The following KRT80 variants were observed in gnomAD, a reference collection of about 807,000 sequenced individuals.
KRT80 encodes the protein keratin 80.
A neutral mutation model predicts 51.5 loss-of-function variants in KRT80; 36 were observed. The ratio of observed to expected loss-of-function variants is 0.70; its 90% CI spans 0.54 to 0.92. The LOEUF is 0.92. Ranked by LOEUF, KRT80 falls within the 40% of genes least tolerant of loss-of-function variation. The pLI is 0.00. For synonymous variants in KRT80, 235 were observed against 248.3 expected, an observed-to-expected ratio of 0.95 and a Z score of 0.50; for missense variants, 566 against 591.7, an observed-to-expected ratio of 0.96 and a Z score of 0.45.
At chr12:52,175,859 G>A (rs1941209488) in intron 4 of KRT80, among the ~76,000 whole-genome samples, 1 of 152,190 alleles carries the variant, frequency 6.6e-6, no homozygotes, top group Admixed American at 6.5e-5. Context: ...GTCACTAGCC[G>A]ACATTTCCCA....
chr12:52,179,570 T>C (rs1461334810), intron 4 of KRT80, among the ~76,000 whole-genome samples: 1 of 152,200 alleles, frequency 6.6e-6, no homozygotes, highest in Non-Finnish European at 1.5e-5. Context: ...CTGTGACCCA[T>C]GACAGGGCCA....
intron 4 of KRT80, among the ~76,000 whole-genome samples, chr12:52,176,048 G>A (rs111493585): frequency 0.022 from 3,276 of 152,286 alleles, 51 homozygotes; most frequent in Middle Eastern, 0.058. Flanking sequence ...AAAGGCCGGC[G>A]CACTGTGAGG....
At chr12:52,172,090 C>T in intron 7 of KRT80, 108 bp downstream of exon 7, 1 of 1,238,202 alleles carries the variant, frequency 8.1e-7, no homozygotes, top group Non-Finnish European at 1.1e-6. Flanking sequence ...TAAACCCAGG[C>T]CTGGTAGGCT....
At chr12:52,180,466 A>G in intron 4 of KRT80, 47 bp downstream of exon 4, 1 of 1,321,790 alleles carries the variant, frequency 7.6e-7, no homozygotes, top group East Asian at 2.6e-5. Context: ...TTACCCATGG[A>G]CCAGCCAGCT....
In KRT80 at chr12:52,191,589, C is replaced by G; in HGVS notation, c.300+14G>C. ...GGCAGCCCTTCATGTTTGGGACCCC[C>G]TACTTGTGCTCACCTTGCCAATTAG... On this transcript the variant is annotated intron_variant, in intron 1 of 8. Coordinates refer to ENST00000394815, the MANE Select transcript of KRT80 (RefSeq NM_182507.3). 1.3e-6 allele frequency: 2 copies of G among 1,563,744 alleles called. No individual in the cohort carries two copies. The highest frequency in any genetic ancestry group is 2.7e-5 in the African/African-American group (2 of 73,802).
intron 4 of KRT80, among the ~76,000 whole-genome samples, chr12:52,173,971 C>T (rs1005910489): frequency 2.6e-5 from 4 of 152,246 alleles, no homozygotes; most frequent in African/African-American, 9.6e-5. Flanking sequence ...CCACTGCTCA[C>T]CCACCCACAG....
intron 4 of KRT80, among the ~76,000 whole-genome samples, chr12:52,178,097 C>T (rs185458014): frequency 1.3e-5 from 2 of 152,296 alleles, no homozygotes; most frequent in Non-Finnish European, 2.9e-5. Flanking sequence ...TCTTAGCCTG[C>T]AGCAGTGTAT....
At chr12:52,187,609 C>T (rs1941425727) in intron 1 of KRT80, among the ~76,000 whole-genome samples, 2 of 152,326 alleles carry the variant, frequency 1.3e-5, no homozygotes, top group South Asian at 4.1e-4. Flanking sequence ...TGGCGTTTGA[C>T]GGTATTTGCG....
intron 1 of KRT80, among the ~76,000 whole-genome samples, chr12:52,185,999 G>A (rs1026381325): frequency 6.6e-6 from 1 of 151,932 alleles, no homozygotes; most frequent in Non-Finnish European, 1.5e-5. Flanking sequence ...ATCTTGTCCT[G>A]GAAACTCAGC....
intron 2 of KRT80, among the ~76,000 whole-genome samples, chr12:52,181,567 G>T (rs1941321267): frequency 6.6e-6 from 1 of 152,138 alleles, no homozygotes; most frequent in Non-Finnish European, 1.5e-5. Context: ...GCCTCTAAGG[G>T]GTAGGCATGT....
At position 52,185,587 on chromosome 12, in the gene KRT80, C is replaced by A; in HGVS notation, c.301G>T (p.Val101Leu). Residue 101 changes from valine to leucine, a missense_variant and splice_region_variant, in exon 2 of 9, where the codon GTG becomes TTG. Val to Leu is a conservative substitution (Grantham distance 32, BLOSUM62 1). Coordinates refer to ENST00000394815, the MANE Select transcript of KRT80 (RefSeq NM_182507.3). ...TGGTTGCGCTGTTCCAGGGCTTGCACCTGGGAGAGCAGGAAGGCGGCGAAT... is the reference window on the plus strand; with the variant it reads ...TGGTTGCGCTGTTCCAGGGCTTGCAACTGGGAGAGCAGGAAGGCGGCGAAT... ...NDKFASLIGK[V>L]QALEQRNQLL... is the part of the protein sequence containing the mutation. 6 of 1,606,732 alleles carry A rather than the reference C, an allele frequency of 3.7e-6. No individual in the cohort carries two copies. The highest frequency in any genetic ancestry group is 5.1e-6 in the Non-Finnish European group (6 of 1,179,878).
At chr12:52,174,402 G>A (rs999381917) in intron 4 of KRT80, among the ~76,000 whole-genome samples, 1 of 152,262 alleles carries the variant, frequency 6.6e-6, no homozygotes, top group African/African-American at 2.4e-5. Flanking sequence ...AGGAGCCTGG[G>A]CGCAGCCTCC....
chr12:52,175,261 T>C (rs1941199101), intron 4 of KRT80, among the ~76,000 whole-genome samples: 1 of 152,226 alleles, frequency 6.6e-6, no homozygotes. Flanking sequence ...ACTGGCTGTC[T>C]GCCTTGCAGA....
intron 2 of KRT80, among the ~76,000 whole-genome samples, chr12:52,181,699 C>T (rs1458071900): frequency 2.6e-5 from 4 of 152,230 alleles, no homozygotes; most frequent in African/African-American, 9.6e-5. Flanking sequence ...TTCTTACTCG[C>T]TCCCACCTTG....
At position 52,169,506 on chromosome 12, in the gene KRT80, A is replaced by G. The variant is rs1382252895; in HGVS notation, c.*1892T>C. 1 of 152,616 alleles carries G rather than the reference A, an allele frequency of 6.6e-6. No homozygotes were observed. The highest frequency in any genetic ancestry group is 1.5e-5 in the Non-Finnish European group (1 of 68,024). 9.5% of individuals were successfully genotyped at this position (152,616 alleles called of 1,614,324 possible). A position where few individuals can be genotyped will look rare whatever the true frequency, so the allele number is the denominator to read the frequency against. ...GCTGACTGGTCCTGAGAGGGGAGAT[A>G]AAAACAGACACACAGCTTTCTCCAT... is the stretch of plus-strand genomic sequence containing the variant. On this transcript the variant is annotated 3_prime_UTR_variant, in exon 9 of 9. Transcript: ENST00000394815.
intron 1 of KRT80, among the ~76,000 whole-genome samples, chr12:52,188,630 C>T (rs1941439995): frequency 6.6e-6 from 1 of 152,230 alleles, no homozygotes; most frequent in African/African-American, 2.4e-5. Context: ...AGGCTGACTT[C>T]AGCTCTTCCA....
intron 2 of KRT80, among the ~76,000 whole-genome samples, chr12:52,182,473 G>T (rs962515736): frequency 1.3e-5 from 2 of 152,218 alleles, no homozygotes; most frequent in African/African-American, 4.8e-5. Flanking sequence ...GTGTCCTGGG[G>T]TGAGTTCCTG....
intron 2 of KRT80, among the ~76,000 whole-genome samples, chr12:52,182,590 C>T (rs1370142613): frequency 2.0e-5 from 3 of 152,228 alleles, no homozygotes; most frequent in East Asian, 3.8e-4. Context: ...CCCTCTGCTT[C>T]GGCCTCAGGA....
chr12:52,171,728 CG>C lies in KRT80; in HGVS notation c.1179-16del, dbSNP rs746793544. On this transcript the variant is annotated splice_polypyrimidine_tract_variant and intron_variant, in intron 7 of 8. Coordinates refer to ENST00000394815, the MANE Select transcript of KRT80 (RefSeq NM_182507.3). ...GCGAGTCCATCCTGGGGGTGGGGGA[CG>C]GGGGGGTGGGAGAGGGATATGATGG... 20 of 109,324 alleles carry C rather than the reference CG, an allele frequency of 1.8e-4. No homozygotes were observed. Among genetic ancestry groups the C allele is most frequent in the East Asian group, 3.5e-4 (1 of 2,862 alleles). 6.8% of individuals were successfully genotyped at this position (109,324 alleles called of 1,614,324 possible).
Sources: gnomAD v4.1 joint callset for allele counts (sites outside exome capture counted in the v4.1 genomes callset) on GRCh38, gnomAD v4.1.1 for gene constraint, MANE v1.5 for transcripts, NCBI Gene and HGNC (gene_info 2026-07-23, HGNC 2026-07-21) for gene names.